The following TAFA2 variants were observed in gnomAD, a reference collection of about 807,000 sequenced individuals.
TAFA2 encodes chemokine-like protein TAFA-2.
In TAFA2, 7 loss-of-function variants were observed where a neutral mutation model predicts 18.8. The observed-to-expected ratio is 0.37, with a 90% CI of 0.21 to 0.70. The LOEUF (loss-of-function observed/expected upper bound fraction) is 0.70, where lower values mean the gene tolerates loss of function less well. Ranked by LOEUF, TAFA2 falls within the 30% of genes least tolerant of loss-of-function variation. TAFA2 has a pLI of 0.53. For synonymous variants in TAFA2, 60 were observed against 54.2 expected (o/e 1.11, Z -0.47); for missense variants, 122 against 158.1 (o/e 0.77, Z 1.23).
intron 1 of TAFA2, among the ~76,000 whole-genome samples, chr12:62,099,751 C>T (rs1869107507): frequency 6.6e-6 from 1 of 152,018 alleles, no homozygotes; most frequent in African/African-American, 2.4e-5. Context: ...TCATCCCAGC[C>T]CCGTGGCACC....
intron 1 of TAFA2, among the ~76,000 whole-genome samples, chr12:62,108,466 TTACAG>T (rs1869565121): frequency 6.6e-6 from 1 of 152,224 alleles, no homozygotes; most frequent in African/African-American, 2.4e-5. Context: ...GTATATGTCT[TTACAG>T]TAGAATTTAT....
intron 1 of TAFA2, among the ~76,000 whole-genome samples, chr12:61,922,933 A>G (rs1565682516): frequency 6.6e-6 from 1 of 152,158 alleles, no homozygotes; most frequent in Admixed American, 6.5e-5. Context: ...ACTATTCCCG[A>G]GGCTTCAGTA....
intron 1 of TAFA2, among the ~76,000 whole-genome samples, chr12:62,235,782 C>T (rs1054688700): frequency 1.3e-5 from 2 of 151,864 alleles, no homozygotes; most frequent in African/African-American, 2.4e-5. Context: ...GAGATGGGGT[C>T]TCATTGTGTC....
intron 1 of TAFA2, among the ~76,000 whole-genome samples, chr12:62,038,276 T>C (rs1190087510): frequency 6.6e-6 from 1 of 152,198 alleles, no homozygotes; most frequent in Non-Finnish European, 1.5e-5. Flanking sequence ...CTGTGGAATA[T>C]GTCAATTTTC....
At chr12:62,167,066 T>C (rs1360534194) in intron 1 of TAFA2, among the ~76,000 whole-genome samples, 1 of 151,634 alleles carries the variant, frequency 6.6e-6, no homozygotes, top group African/African-American at 2.4e-5. Context: ...AAACACTAAG[T>C]GAAAAAAAAA....
At chr12:62,258,208 TA>T (rs2062949749) in intron 1 of TAFA2, 1 of 152,222 alleles carries the variant, frequency 6.6e-6, no homozygotes, top group African/African-American at 2.4e-5. Flanking sequence ...GCTTGCTAAA[TA>T]AAATACTATA....
At chr12:61,823,227 C>T (rs1872394804) in intron 2 of TAFA2, among the ~76,000 whole-genome samples, 1 of 152,032 alleles carries the variant, frequency 6.6e-6, no homozygotes, top group African/African-American at 2.4e-5. Context: ...GGCTGGAGTG[C>T]AGTGGCATGA....
upstream of TAFA2, chr12:62,259,088 T>C (rs1346445194): frequency 6.5e-6 from 1 of 153,730 alleles, no homozygotes; most frequent in Non-Finnish European, 1.5e-5. Context: ...GATTCAGCAC[T>C]TCCTACTAGC....
At chr12:62,078,316 C>G (rs1868268293) in intron 1 of TAFA2, among the ~76,000 whole-genome samples, 1 of 151,894 alleles carries the variant, frequency 6.6e-6, no homozygotes, top group Non-Finnish European at 1.5e-5. Context: ...CTCTGGTATT[C>G]CTGATAAGAA....
At chr12:61,725,981 G>A (rs1870145728) in intron 4 of TAFA2, among the ~76,000 whole-genome samples, 1 of 151,522 alleles carries the variant, frequency 6.6e-6, no homozygotes, top group Admixed American at 6.6e-5. Context: ...CACTCTTTGG[G>A]TAATGGGTGC....
intron 2 of TAFA2, among the ~76,000 whole-genome samples, chr12:61,843,854 A>C (rs1873292335): frequency 6.6e-6 from 1 of 152,132 alleles, no homozygotes; most frequent in Non-Finnish European, 1.5e-5. Context: ...CATTCAGCTG[A>C]AGACTGGTCA....
At chr12:61,912,886 T>A (rs576518619) in intron 1 of TAFA2, among the ~76,000 whole-genome samples, 77 of 152,304 alleles carry the variant, frequency 5.1e-4, no homozygotes, top group Middle Eastern at 3.4e-3. Context: ...GCTTGTAAGT[T>A]TCATCTTTTC....
chr12:61,857,894 A>T (rs1357953058), intron 2 of TAFA2, among the ~76,000 whole-genome samples: 1 of 152,210 alleles, frequency 6.6e-6, no homozygotes, highest in Non-Finnish European at 1.5e-5. Context: ...CAGGGGAAAA[A>T]AAAGAGACCC....
At chr12:61,762,299 G>A (rs1005829691) in intron 2 of TAFA2, among the ~76,000 whole-genome samples, 2 of 152,178 alleles carry the variant, frequency 1.3e-5, no homozygotes, top group Non-Finnish European at 1.5e-5. Flanking sequence ...TGCAGTAAGT[G>A]TATCACTGTC....
At chr12:62,024,496 A>T (rs1332004593) in intron 1 of TAFA2, among the ~76,000 whole-genome samples, 1 of 152,158 alleles carries the variant, frequency 6.6e-6, no homozygotes, top group Non-Finnish European at 1.5e-5. Flanking sequence ...TGGATCTCAA[A>T]CTATTAAGAA....
At chr12:61,848,228 T>C (rs1482855317) in intron 2 of TAFA2, among the ~76,000 whole-genome samples, 1 of 152,218 alleles carries the variant, frequency 6.6e-6, no homozygotes, top group Non-Finnish European at 1.5e-5. Flanking sequence ...ATGTATGATA[T>C]CACATTTCAA....
chr12:62,002,150 C>T (rs760049172), intron 1 of TAFA2, among the ~76,000 whole-genome samples: 9 of 152,182 alleles, frequency 5.9e-5, no homozygotes, highest in South Asian at 2.1e-4. Flanking sequence ...CCTGTAGTGG[C>T]TTATGTTTCA....
intron 1 of TAFA2, among the ~76,000 whole-genome samples, chr12:62,065,641 C>A (rs142792828): frequency 6.6e-6 from 1 of 151,944 alleles, no homozygotes; most frequent in African/African-American, 2.4e-5. Flanking sequence ...CAAGTGTGGT[C>A]AATTTTTAAA....
At chr12:61,771,938 AAT>A (rs1870047028) in intron 2 of TAFA2, among the ~76,000 whole-genome samples, 2 of 151,898 alleles carry the variant, frequency 1.3e-5, no homozygotes, top group Non-Finnish European at 1.5e-5. Context: ...ATGAAACAAA[AAT>A]ATGTTTCTTT....
Sources: allele counts gnomAD v4.1 joint callset (sites outside exome capture counted in the v4.1 genomes callset), GRCh38; gene constraint gnomAD v4.1.1; transcripts MANE v1.5; gene names NCBI Gene and HGNC (gene_info 2026-07-23, HGNC 2026-07-21).